PATJ: variants seen among roughly 807,000 people sequenced by gnomAD.
The protein encoded by PATJ is inaD-like protein.
PATJ carries 190 observed loss-of-function variants against 224.9 expected under a neutral mutation model. The observed-to-expected ratio is 0.84, with a 90% CI of 0.75 to 0.95. The LOEUF is 0.95. Among genes scored for constraint, PATJ ranks in the 40% least tolerant of loss-of-function variants. The pLI, the probability that PATJ is intolerant of heterozygous loss-of-function variation, is 0.00. For synonymous variants in PATJ, 769 were observed against 820.3 expected (o/e 0.94, Z 1.07); for missense variants, 2,121 against 2,270.3 (o/e 0.93, Z 1.34).
chr1:61,745,306 G>T (rs1292850069), intron 1 of PATJ, among the ~76,000 whole-genome samples: 2 of 152,018 alleles, frequency 1.3e-5, no homozygotes, highest in East Asian at 1.9e-4. Flanking sequence ...ACAGAGTCTT[G>T]CTCCGCTGCC....
At chr1:62,010,537 C>A (rs1646386986) in intron 28 of PATJ, among the ~76,000 whole-genome samples, 1 of 145,224 alleles carries the variant, frequency 6.9e-6, no homozygotes. Flanking sequence ...CATGATATTT[C>A]TCTTTCTGTG....
At chr1:61,765,066 ATTTT>A (rs71582647) in intron 3 of PATJ, among the ~76,000 whole-genome samples, 50 of 23,994 alleles carry the variant, frequency 2.1e-3, no homozygotes, top group African/African-American at 6.8e-3. Context: ...ATTGACATTC[ATTTT>A]TTTTTTTTTT....
chr1:62,013,466 A>G (rs1450903998), intron 28 of PATJ: 1 of 985,330 alleles, frequency 1.0e-6, no homozygotes, highest in Non-Finnish European at 1.2e-6. Context: ...GCTATGCATG[A>G]AAAGCTGGGA....
intron 20 of PATJ, among the ~76,000 whole-genome samples, chr1:61,868,066 T>C (rs1469229601): frequency 1.3e-5 from 2 of 152,218 alleles, no homozygotes; most frequent in Non-Finnish European, 2.9e-5. Flanking sequence ...TATCTTTCTC[T>C]TCCACCCTCA....
intron 27 of PATJ, among the ~76,000 whole-genome samples, chr1:61,947,048 G>T (rs1454533105): frequency 6.6e-6 from 1 of 152,104 alleles, no homozygotes; most frequent in Non-Finnish European, 1.5e-5. Flanking sequence ...CAATAAACTA[G>T]GTATTGATGG....
At chr1:61,961,269 C>A (rs1190904263) in intron 27 of PATJ, among the ~76,000 whole-genome samples, 1 of 152,172 alleles carries the variant, frequency 6.6e-6, no homozygotes, top group African/African-American at 2.4e-5. Context: ...CAGCCTGGCA[C>A]CCTTGTGCAG....
chr1:62,147,113 G>C (rs1291260048), intron 41 of PATJ, among the ~76,000 whole-genome samples: 2 of 152,092 alleles, frequency 1.3e-5, no homozygotes, highest in Non-Finnish European at 2.9e-5. Context: ...TGGAGCTAGA[G>C]GTACAGATTC....
intron 39 of PATJ, among the ~76,000 whole-genome samples, chr1:62,126,005 G>A (rs1346888404): frequency 2.0e-5 from 3 of 152,074 alleles, no homozygotes; most frequent in African/African-American, 4.8e-5. Context: ...TCCTGACCTC[G>A]AGTGTTCCAC....
At chr1:61,992,881 T>C (rs766629464) in intron 28 of PATJ, among the ~76,000 whole-genome samples, 39 of 152,232 alleles carry the variant, frequency 2.6e-4, no homozygotes, top group Non-Finnish European at 5.6e-4. Context: ...CTCAGCATAA[T>C]GTATGTAAGA....
At position 61,795,550 on chromosome 1, in the gene PATJ, A is replaced by C; in HGVS notation, c.1252A>C (p.Ile418Leu). Residue 418 changes from isoleucine (I) to leucine (L), a missense_variant, in exon 10 of 44, where the codon ATA (isoleucine) becomes CTA (leucine). Coordinates refer to ENST00000642238, the MANE Select transcript of PATJ (RefSeq NM_001350145.3). The stretch of plus-strand genomic sequence containing the variant: ...TGGCCACATTCAAGTGAATGACAAA[A>C]TAGTTGCTGTAAGTAACTCGCCTCT... Reference protein sequence around the residue: ...HNGHIQVNDKIVAVDGVNIQG... With the variant: ...HNGHIQVNDKLVAVDGVNIQG... 6.2e-7 allele frequency: 1 copy of C among 1,603,664 alleles called. No individual in the cohort carries two copies. Among genetic ancestry groups the C allele is most frequent in the Non-Finnish European group, 8.5e-7 (1 of 1,171,450 alleles).
At chr1:61,944,857 A>G (rs1678413065) in intron 27 of PATJ, among the ~76,000 whole-genome samples, 1 of 152,252 alleles carries the variant, frequency 6.6e-6, no homozygotes, top group Non-Finnish European at 1.5e-5. Context: ...AGGGAAGCCC[A>G]TCAGACTAAC....
At chr1:61,978,439 A>G (rs1557979564) in intron 27 of PATJ, among the ~76,000 whole-genome samples, 1 of 151,704 alleles carries the variant, frequency 6.6e-6, no homozygotes. Context: ...CTAATTTTGT[A>G]TTTTTAGTAG....
intron 27 of PATJ, among the ~76,000 whole-genome samples, chr1:61,942,919 CA>C (rs1304445236): frequency 6.6e-6 from 1 of 152,130 alleles, no homozygotes; most frequent in Non-Finnish European, 1.5e-5. Flanking sequence ...GGTATATACC[CA>C]AATGAAATGA....
chr1:61,997,981 C>CTTTTTT (rs1445735043), intron 28 of PATJ, among the ~76,000 whole-genome samples: 87 of 78,602 alleles, frequency 1.1e-3, no homozygotes, highest in Non-Finnish European at 1.9e-3. Context: ...CTGTGCCCAG[C>CTTTTTT]TTATATATGT....
intron 3 of PATJ, among the ~76,000 whole-genome samples, 186 bp from the exon 4 acceptor site, chr1:61,766,093 G>A (rs566440978): frequency 2.0e-5 from 3 of 152,290 alleles, no homozygotes; most frequent in African/African-American, 7.2e-5. Context: ...TAAACATTTT[G>A]TGTAATACTA....
At chr1:62,160,887 T>C (rs1321832525) in intron 43 of PATJ, 21 bp from the exon 44 acceptor site, 18 of 1,612,944 alleles carry the variant, frequency 1.1e-5, no homozygotes, top group Non-Finnish European at 1.5e-5. Flanking sequence ...TGGATTAAAC[T>C]GAAATGTTTC....
At chr1:61,788,067 T>A (rs761961768) in intron 8 of PATJ, 95 bp downstream of exon 8, 7 of 955,444 alleles carry the variant, frequency 7.3e-6, no homozygotes, top group African/African-American at 1.7e-5. Flanking sequence ...ACCACATTGG[T>A]GTGAGTTGTG....
Position 61,990,291 on chromosome 1 carries a change from T to C in PATJ, c.3794T>C (p.Phe1265Ser), listed in dbSNP as rs990003457. The C allele has an allele frequency of 1.2e-6, 2 of 1,613,990 alleles. No homozygotes were observed. The highest frequency in any genetic ancestry group is 8.5e-7 in the Non-Finnish European group (1 of 1,179,940). The change falls in exon 28 of 44, where the codon TTT becomes TCT. Residue 1265 changes from phenylalanine to serine, a missense_variant. Physicochemically the swap from Phe to Ser is radical, Grantham distance 155. Coordinates refer to ENST00000642238, the MANE Select transcript of PATJ (RefSeq NM_001350145.3). ...AAAGACCGATCACGCATGAGCATAT[T>C]TGTGGTGGGAATTAACCCGGAAGGA... is the stretch of plus-strand genomic sequence containing the variant. ...GNKDRSRMSI[F>S]VVGINPEGPA...
intron 29 of PATJ, among the ~76,000 whole-genome samples, chr1:62,030,051 T>C (rs1648911932): frequency 6.6e-6 from 1 of 152,100 alleles, no homozygotes; most frequent in South Asian, 2.1e-4. Context: ...AGAAAACAAG[T>C]AGTGATACTG....
Sources: allele counts gnomAD v4.1 joint callset (sites outside exome capture counted in the v4.1 genomes callset), GRCh38; gene constraint gnomAD v4.1.1; transcripts MANE v1.5; gene names NCBI Gene and HGNC (gene_info 2026-07-23, HGNC 2026-07-21).